The following ANP32B variants were observed in gnomAD, a reference collection of about 807,000 sequenced individuals.
ANP32B encodes the protein acidic leucine-rich nuclear phosphoprotein 32 family member B.
Under a neutral mutation model 32.2 loss-of-function variants are expected in ANP32B, and 6 were observed. The ratio of observed to expected loss-of-function variants is 0.19; its 90% CI spans 0.10 to 0.37. The LOEUF is 0.37. ANP32B is among the 10% of genes least tolerant of loss of function. The probability of loss-of-function intolerance (pLI) is 1.00; values close to 1 mark genes in which losing one functional copy is unlikely to be tolerated. For missense variants in ANP32B, 204 were observed against 289.2 expected, an observed-to-expected ratio of 0.71 and a Z score of 2.14; for synonymous variants, 98 against 105.8, an observed-to-expected ratio of 0.93 and a Z score of 0.45.
chr9:98,005,389 C>T (rs1279231704), intron 4 of ANP32B: 1 of 286,016 alleles, frequency 3.5e-6, no homozygotes, highest in Non-Finnish European at 6.7e-6. Flanking sequence ...GTGGCGCACA[C>T]CTGGAGTCTT....
chr9:97,995,951 A>G (rs545933130), intron 2 of ANP32B, among the ~76,000 whole-genome samples: 1 of 149,876 alleles, frequency 6.7e-6, no homozygotes, highest in Non-Finnish European at 1.5e-5. Context: ...AAAAAAAAAA[A>G]GTATAATACA....
At position 97,983,444 on chromosome 9, in the gene ANP32B, C is replaced by A. The variant is rs910634648; in HGVS notation, c.-112C>A. The A allele has an allele frequency of 3.9e-6, 4 of 1,023,816 alleles. No individual in the cohort carries two copies. Among genetic ancestry groups the A allele is most frequent in the Middle Eastern group, 3.1e-4 (1 of 3,240 alleles). 63.4% of individuals were successfully genotyped at this position (1,023,816 alleles called of 1,614,324 possible). A position where few individuals can be genotyped will look rare whatever the true frequency, so the allele number is the denominator to read the frequency against. On this transcript the variant is annotated 5_prime_UTR_variant, in exon 1 of 7. Transcript: ENST00000339399. ...CGCCACCCAGGACCGCGCCGCCGGC[C>A]TCCGCCGCTAGCAAACCCTTCCGAC...
At chr9:98,000,541 G>C (rs1827972836) in intron 3 of ANP32B, among the ~76,000 whole-genome samples, 1 of 152,154 alleles carries the variant, frequency 6.6e-6, no homozygotes. Flanking sequence ...CCAGAGAAGA[G>C]AGAATGACTG....
At chr9:97,998,156 ATTG>A (rs1827934165) in intron 2 of ANP32B, among the ~76,000 whole-genome samples, 1 of 152,230 alleles carries the variant, frequency 6.6e-6, no homozygotes, top group Non-Finnish European at 1.5e-5. Context: ...TCAAGTGGGC[ATTG>A]CAAGCTTTGA....
intron 1 of ANP32B, among the ~76,000 whole-genome samples, chr9:97,992,307 T>C (rs996035557): frequency 6.6e-6 from 1 of 152,162 alleles, no homozygotes; most frequent in Admixed American, 6.5e-5. Context: ...CCAGGCTGTC[T>C]TGAACTCCTG....
chr9:97,995,398 T>C (rs1333697912), intron 2 of ANP32B, among the ~76,000 whole-genome samples: 1 of 152,208 alleles, frequency 6.6e-6, no homozygotes, highest in East Asian at 1.9e-4. Flanking sequence ...AAAAGATATG[T>C]GGTTATATAA....
chr9:97,989,117 C>A (rs1468131005), intron 1 of ANP32B, among the ~76,000 whole-genome samples: 1 of 152,120 alleles, frequency 6.6e-6, no homozygotes, highest in Non-Finnish European at 1.5e-5. Flanking sequence ...CTCCAATCCC[C>A]AGGGATATTC....
intron 4 of ANP32B, among the ~76,000 whole-genome samples, chr9:98,010,054 C>T (rs931333544): frequency 1.3e-5 from 2 of 152,060 alleles, no homozygotes; most frequent in Non-Finnish European, 1.5e-5. Context: ...TTTAAGTTCA[C>T]CTCAAACAGG....
chr9:97,984,694 T>TG (rs1827676253), intron 1 of ANP32B: 1 of 147,892 alleles, frequency 6.8e-6, no homozygotes, highest in East Asian at 2.1e-4. Context: ...GAGCCCTCGG[T>TG]CTGTTTCCCC....
At chr9:97,995,527 G>C (rs1039443100) in intron 2 of ANP32B, among the ~76,000 whole-genome samples, 7 of 152,198 alleles carry the variant, frequency 4.6e-5, no homozygotes, top group African/African-American at 1.7e-4. Flanking sequence ...AAGGTAGGTT[G>C]TGCCTAGAGC....
At position 98,012,486 on chromosome 9, in the gene ANP32B, A is replaced by G. The variant is rs1828203113; in HGVS notation, c.688+14A>G. ...ATGAGGATGAAGGTGGGCCTAATGC[A>G]TGCATTTTGATCATTCTCAGTTAAA... is the stretch of plus-strand genomic sequence containing the variant. On this transcript the variant is annotated intron_variant, in intron 6 of 6. Transcript: ENST00000339399. 1.2e-6 allele frequency: 2 copies of G among 1,609,984 alleles called. No individual in the cohort carries two copies. Among genetic ancestry groups the G allele is most frequent in the Non-Finnish European group, 8.5e-7 (1 of 1,179,238 alleles).
chr9:97,989,539 A>C (rs1311424441), intron 1 of ANP32B, among the ~76,000 whole-genome samples: 1 of 152,186 alleles, frequency 6.6e-6, no homozygotes, highest in Non-Finnish European at 1.5e-5. Context: ...ATTTAAGCAC[A>C]AATGAACAAG....
intron 4 of ANP32B, among the ~76,000 whole-genome samples, chr9:98,007,692 C>T (rs545868428): frequency 2.3e-4 from 35 of 152,114 alleles, no homozygotes; most frequent in Non-Finnish European, 2.6e-4. Context: ...TCAGAGAGGT[C>T]GCTTCTGGAT....
At chr9:97,984,188 C>T (rs1206134974) in intron 1 of ANP32B, among the ~76,000 whole-genome samples, 4 of 150,630 alleles carry the variant, frequency 2.7e-5, no homozygotes, top group Admixed American at 1.3e-4. Context: ...AGCGAGAAGC[C>T]CCCTCGGGCG....
chr9:98,003,417 CTG>C (rs1416821860), intron 3 of ANP32B, among the ~76,000 whole-genome samples: 2 of 152,132 alleles, frequency 1.3e-5, no homozygotes, highest in African/African-American at 4.8e-5. Flanking sequence ...TATATAGTCT[CTG>C]TCACAACTAG....
chr9:98,005,955 C>T (rs1413760512), intron 4 of ANP32B, among the ~76,000 whole-genome samples: 1 of 152,156 alleles, frequency 6.6e-6, no homozygotes, highest in Admixed American at 6.5e-5. Flanking sequence ...GCTCACATTA[C>T]TGTCTGGGCT....
At position 97,986,072 on chromosome 9, in the gene ANP32B, C is replaced by T. The variant is rs1444092495; in HGVS notation, c.54+2463C>T. 3.9e-5 allele frequency among the ~76,000 whole-genome samples: 6 copies of T among 152,288 alleles called. No homozygotes were observed. In the East Asian group the frequency reaches 9.6e-4, roughly 24 times the overall value. On this transcript the variant is annotated intron_variant, in intron 1 of 6. Coordinates refer to ENST00000339399, the MANE Select transcript of ANP32B (RefSeq NM_006401.3). ...CTGACCTCGGGTGATCCACCCGCCT[C>T]GGCCTCCCAAAGTGCTGGGATTACA...
At chr9:97,992,545 T>TCA (rs1827845443) in intron 1 of ANP32B, among the ~76,000 whole-genome samples, 1 of 152,232 alleles carries the variant, frequency 6.6e-6, no homozygotes, top group Non-Finnish European at 1.5e-5. Flanking sequence ...TCTTAATTCT[T>TCA]CTTCACTTCA....
chr9:97,996,976 C>G (rs1230601419), intron 2 of ANP32B, among the ~76,000 whole-genome samples: 2 of 152,134 alleles, frequency 1.3e-5, no homozygotes, highest in African/African-American at 4.8e-5. Flanking sequence ...TAAATTTACA[C>G]ATCTATTTCA....
Sources: allele counts gnomAD v4.1 joint callset (sites outside exome capture counted in the v4.1 genomes callset), GRCh38; gene constraint gnomAD v4.1.1; transcripts MANE v1.5; gene names NCBI Gene and HGNC (gene_info 2026-07-23, HGNC 2026-07-21).